Variants in CRLF3 observed in about 807,000 individuals in gnomAD.
The protein encoded by CRLF3 is cytokine receptor like factor 3.
In CRLF3, 33 loss-of-function variants were observed where a neutral mutation model predicts 55.0. That is an observed-to-expected ratio of 0.60 (90% CI 0.46 to 0.80). The LOEUF (loss-of-function observed/expected upper bound fraction) is 0.80, where lower values mean the gene tolerates loss of function less well. Among genes scored for constraint, CRLF3 ranks in the 30% least tolerant of loss-of-function variants. The pLI, the probability that CRLF3 is intolerant of heterozygous loss-of-function variation, is 0.00. For missense variants in CRLF3, 494 were observed against 538.4 expected (o/e 0.92, Z 0.82); for synonymous variants, 238 against 196.8 (o/e 1.21, Z -1.75).
At position 30,806,245 on chromosome 17, in the gene CRLF3, A is replaced by G. The variant is rs139689854; in HGVS notation, c.130-2137T>C. Among the ~76,000 whole-genome samples, 20 of 152,336 alleles carry G rather than the reference A, an allele frequency of 1.3e-4. No homozygotes were observed. The East Asian group carries it at 2.3e-3, about 18-fold the overall frequency. On this transcript the variant is annotated intron_variant, in intron 1 of 7. Coordinates refer to ENST00000324238, the MANE Select transcript of CRLF3 (RefSeq NM_015986.4). ...GCCTCTTCCTTTCAAAGTTATTGAA[A>G]GAGAAGAAAAAGCCTCTTCCCCAAA...
At chr17:30,823,287 G>A (rs527869473) in intron 1 of CRLF3, among the ~76,000 whole-genome samples, 19 of 151,902 alleles carry the variant, frequency 1.3e-4, no homozygotes, top group African/African-American at 2.7e-4. Flanking sequence ...GCTTGAACCC[G>A]GGAGGCGGAG....
At chr17:30,798,595 T>C (rs951516168) in intron 2 of CRLF3, among the ~76,000 whole-genome samples, 1 of 152,018 alleles carries the variant, frequency 6.6e-6, no homozygotes, top group Admixed American at 6.6e-5. Context: ...TCTCAGCACT[T>C]TGGCAGGCTG....
intron 1 of CRLF3, among the ~76,000 whole-genome samples, chr17:30,815,327 C>G (rs1189605696): frequency 6.6e-6 from 1 of 151,486 alleles, no homozygotes; most frequent in Non-Finnish European, 1.5e-5. Flanking sequence ...CTCAGGTGAT[C>G]CACCCGCCTT....
intron 6 of CRLF3, among the ~76,000 whole-genome samples, chr17:30,788,935 C>T (rs951232854): frequency 6.6e-6 from 1 of 151,944 alleles, no homozygotes; most frequent in Non-Finnish European, 1.5e-5. Context: ...TATAGTCTCC[C>T]TTCTAACTAC....
chr17:30,786,872 G>A (rs1177903296), intron 6 of CRLF3: 2 of 151,690 alleles, frequency 1.3e-5, no homozygotes, highest in African/African-American at 2.4e-5. Flanking sequence ...GGCTAGTTTT[G>A]TATTTTTAGT....
chr17:30,815,332 C>T (rs1245792984), intron 1 of CRLF3, among the ~76,000 whole-genome samples: 4 of 151,374 alleles, frequency 2.6e-5, no homozygotes, highest in Non-Finnish European at 4.4e-5. Context: ...GTGATCCACC[C>T]GCCTTGGCCT....
intron 1 of CRLF3, among the ~76,000 whole-genome samples, chr17:30,808,078 A>G (rs373831744): frequency 5.9e-5 from 9 of 152,128 alleles, no homozygotes; most frequent in East Asian, 1.9e-4. Context: ...AGCATCTGGT[A>G]AACAAATGCT....
rs556697460 is a variant in CRLF3 at position 30,786,221 on chromosome 17, C to A, written c.960-190G>T. 2.9e-5 allele frequency: 14 copies of A among 474,766 alleles called. No individual in the cohort carries two copies. The Admixed American group carries it at 3.8e-4, about 13-fold the overall frequency. 29.4% of individuals were successfully genotyped at this position (474,766 alleles called of 1,614,324 possible). The stretch of plus-strand genomic sequence containing the variant: ...ATTTTATATCTATCTATCATTCTTA[C>A]AACAATCTATGAGGTAGGTGCTTTT... On this transcript the variant is annotated intron_variant, in intron 6 of 7. Coordinates refer to ENST00000324238, the MANE Select transcript of CRLF3 (RefSeq NM_015986.4).
chr17:30,800,256 C>T (rs529657409), intron 2 of CRLF3, among the ~76,000 whole-genome samples: 4 of 152,156 alleles, frequency 2.6e-5, no homozygotes, highest in Non-Finnish European at 5.9e-5. Context: ...TCACATTACA[C>T]GGTGTCCCTT....
Position 30,793,650 on chromosome 17 carries a change from T to G in CRLF3, c.626A>C (p.Gln209Pro). 6.2e-7 allele frequency: 1 copy of G among 1,613,690 alleles called. No homozygotes were observed. The highest frequency in any genetic ancestry group is 2.2e-5 in the East Asian group (1 of 44,882). Reference protein sequence around the residue: ...WCKVDDDFTAQDYRLQFRKCT... With the variant: ...WCKVDDDFTAPDYRLQFRKCT... ...TTTACGAAACTGGAGCCTGTAATCT[T>G]GGGCTGTAAAGTCATCATCCACCTA... Residue 209 changes from glutamine to proline, a missense_variant, in exon 5 of 8, where the codon CAA becomes CCA. Physicochemically the swap from Gln to Pro is moderately conservative, Grantham distance 76. Coordinates refer to ENST00000324238, the MANE Select transcript of CRLF3 (RefSeq NM_015986.4).
chr17:30,797,030 G>A (rs1294314656), intron 3 of CRLF3, among the ~76,000 whole-genome samples: 2 of 151,980 alleles, frequency 1.3e-5, no homozygotes, highest in East Asian at 3.9e-4. Context: ...TCCCCAAGTA[G>A]CTGGATTACA....
chr17:30,795,437 GGTGAGCCAAGATC>G (rs1971898859), intron 4 of CRLF3, among the ~76,000 whole-genome samples: 1 of 151,500 alleles, frequency 6.6e-6, no homozygotes, highest in Non-Finnish European at 1.5e-5. Context: ...CGGAGGTTGT[GGTGAGCCAAGATC>G]GTGCCATTGT....
rs1208698064 is a variant in CRLF3, at chr17:30,824,660, G to T, written c.-9C>A. 6.3e-7 allele frequency: 1 copy of T among 1,586,524 alleles called. No homozygotes were observed. Among genetic ancestry groups the T allele is most frequent in the Non-Finnish European group, 8.5e-7 (1 of 1,172,334 alleles). On this transcript the variant is annotated 5_prime_UTR_variant, in exon 1 of 8. Transcript: ENST00000324238. ...TCCATCGCCCCCCTCATCTGGCCGC[G>T]CGGCCGGCGAAACCTAGCGCGGGTT...
chr17:30,815,473 T>G (rs972922209), intron 1 of CRLF3, among the ~76,000 whole-genome samples: 2 of 150,234 alleles, frequency 1.3e-5, no homozygotes, highest in African/African-American at 4.9e-5. Context: ...CCACCCAACT[T>G]GCCATCCCAA....
intron 6 of CRLF3, 49 bp downstream of exon 6, chr17:30,792,391 A>AC (rs1567660357): frequency 2.6e-6 from 4 of 1,559,440 alleles, no homozygotes; most frequent in Non-Finnish European, 3.5e-6. Context: ...TGCTCTATGC[A>AC]CTTCACTCTG....
chr17:30,809,283 A>G (rs1904535200), intron 1 of CRLF3, among the ~76,000 whole-genome samples: 1 of 152,228 alleles, frequency 6.6e-6, no homozygotes. Context: ...CCTTTTGCTC[A>G]TAGAATCCCA....
chr17:30,790,633 T>TC (rs775391191), intron 6 of CRLF3: 4 of 89,074 alleles, frequency 4.5e-5, no homozygotes, highest in Middle Eastern at 5.4e-3. Context: ...TTTTTTTTTT[T>TC]CCAGACGGAA....
At chr17:30,814,673 G>C (rs1904729647) in intron 1 of CRLF3, among the ~76,000 whole-genome samples, 1 of 149,394 alleles carries the variant, frequency 6.7e-6, no homozygotes, top group Non-Finnish European at 1.5e-5. Context: ...AAAAAAAATA[G>C]TTCTCTATCA....
intron 6 of CRLF3, among the ~76,000 whole-genome samples, chr17:30,789,200 T>C (rs1362685372): frequency 2.6e-5 from 4 of 152,120 alleles, no homozygotes; most frequent in African/African-American, 4.8e-5. Flanking sequence ...CCCTGCCAAG[T>C]GGGGCCTGGT....
Sources: gnomAD v4.1 joint callset for allele counts (sites outside exome capture counted in the v4.1 genomes callset) on GRCh38, gnomAD v4.1.1 for gene constraint, MANE v1.5 for transcripts, NCBI Gene and HGNC (gene_info 2026-07-23, HGNC 2026-07-21) for gene names.